Variants in LGR5 observed in about 807,000 individuals in gnomAD.
LGR5 encodes leucine rich repeat containing G protein-coupled receptor 5, also known as leucine-rich repeat-containing G protein-coupled receptor 5.
In LGR5, 54 loss-of-function variants were observed where a neutral mutation model predicts 76.7. That is an observed-to-expected ratio of 0.70 (90% confidence interval 0.57 to 0.88). The LOEUF is 0.88. LGR5 is among the 40% of genes least tolerant of loss of function. The pLI is 0.00. For missense variants in LGR5, 1,078 were observed against 1,073.3 expected (o/e 1.00, Z -0.06); for synonymous variants, 406 against 421.9 (o/e 0.96, Z 0.46).
intron 1 of LGR5, among the ~76,000 whole-genome samples, chr12:71,454,075 T>G (rs915894903): frequency 1.3e-5 from 2 of 152,114 alleles, no homozygotes; most frequent in African/African-American, 4.8e-5. Flanking sequence ...AGGTGAGCAG[T>G]TCTTGGAGCA....
intron 2 of LGR5, among the ~76,000 whole-genome samples, chr12:71,506,295 C>T (rs1338126645): frequency 1.3e-5 from 2 of 151,980 alleles, no homozygotes; most frequent in Non-Finnish European, 1.5e-5. Flanking sequence ...TGGCAAAATG[C>T]TTCCCTTCTC....
intron 4 of LGR5, among the ~76,000 whole-genome samples, chr12:71,539,580 C>T (rs991284328): frequency 1.1e-4 from 17 of 152,124 alleles, no homozygotes; most frequent in Non-Finnish European, 1.8e-4. Context: ...CAGGTTCAAG[C>T]GATTTTTCTG....
chr12:71,470,358 A>T (rs1233542642), intron 1 of LGR5, among the ~76,000 whole-genome samples: 2 of 152,174 alleles, frequency 1.3e-5, no homozygotes, highest in Admixed American at 1.3e-4. Context: ...ACTAGAATTT[A>T]TTAACATTGT....
intron 2 of LGR5, among the ~76,000 whole-genome samples, chr12:71,516,464 A>G (rs1472033079): frequency 1.3e-5 from 2 of 152,122 alleles, no homozygotes; most frequent in African/African-American, 4.8e-5. Flanking sequence ...CCTGCACAAT[A>G]ATTTCCCAAG....
chr12:71,509,834 G>T (rs1341054483), intron 2 of LGR5, among the ~76,000 whole-genome samples: 1 of 152,028 alleles, frequency 6.6e-6, no homozygotes, highest in East Asian at 1.9e-4. Flanking sequence ...GCTCTAGGGG[G>T]GTCTGTTTTT....
chr12:71,514,816 C>T (rs564897412), intron 2 of LGR5, among the ~76,000 whole-genome samples: 11 of 152,222 alleles, frequency 7.2e-5, no homozygotes, highest in Admixed American at 1.3e-4. Context: ...ATATGCTTAA[C>T]ACAATGACGG....
chr12:71,480,753 GA>G (rs1873561463), intron 1 of LGR5, among the ~76,000 whole-genome samples: 1 of 152,174 alleles, frequency 6.6e-6, no homozygotes, highest in Non-Finnish European at 1.5e-5. Context: ...AACAGCTGAT[GA>G]GATCCTTTCA....
At chr12:71,581,254 C>T (rs2137478749) in intron 16 of LGR5, among the ~76,000 whole-genome samples, 1 of 152,346 alleles carries the variant, frequency 6.6e-6, no homozygotes, top group South Asian at 2.1e-4. Flanking sequence ...ACCTACCCCA[C>T]CCCGGGGTAT....
Position 71,528,378 on chromosome 12 carries a change from C to G in LGR5, c.356+3901C>G, listed in dbSNP as rs141706144. 4.7e-3 allele frequency among the ~76,000 whole-genome samples: 710 copies of G among 152,188 alleles called. 10 individuals are homozygous for G. The highest frequency in any genetic ancestry group is 0.016 in the African/African-American group (664 of 41,542). On this transcript the variant is annotated intron_variant, in intron 3 of 17. Coordinates refer to ENST00000266674, the MANE Select transcript of LGR5 (RefSeq NM_003667.4). ...GAGGCTGAGGTGGGAGGGAGGATTT[C>G]ATGAGCCTAGGAGGTTGGGGCTACA...
chr12:71,573,126 T>G (rs1164192404), intron 13 of LGR5: 1 of 433,012 alleles, frequency 2.3e-6, no homozygotes, highest in Admixed American at 4.2e-5. Flanking sequence ...TCTCTACCAG[T>G]CAGCAGGCAG....
intron 13 of LGR5, among the ~76,000 whole-genome samples, chr12:71,574,082 T>A (rs977927684): frequency 6.6e-6 from 1 of 151,528 alleles, no homozygotes; most frequent in Non-Finnish European, 1.5e-5. Flanking sequence ...GGCAGGCGGA[T>A]CACGAGGTCA....
intron 2 of LGR5, 79 bp from the exon 3 acceptor site, chr12:71,524,327 A>G (rs995223095): frequency 2.0e-5 from 21 of 1,025,128 alleles, no homozygotes; most frequent in African/African-American, 8.2e-5. Flanking sequence ...ACATAGTTGT[A>G]TTGCATTTTT....
chr12:71,521,707 A>G (rs1875735964), intron 2 of LGR5, among the ~76,000 whole-genome samples: 1 of 152,204 alleles, frequency 6.6e-6, no homozygotes, highest in South Asian at 2.1e-4. Flanking sequence ...GAGAATGGAT[A>G]CTGGGGGACA....
At chr12:71,458,903 C>A (rs1872588556) in intron 1 of LGR5, among the ~76,000 whole-genome samples, 1 of 151,540 alleles carries the variant, frequency 6.6e-6, no homozygotes, top group Non-Finnish European at 1.5e-5. Context: ...TAAAAGAGAA[C>A]CTGCCTGGTC....
chr12:71,496,966 T>A (rs892204036), intron 1 of LGR5, among the ~76,000 whole-genome samples: 2 of 152,084 alleles, frequency 1.3e-5, no homozygotes, highest in Non-Finnish European at 2.9e-5. Flanking sequence ...TCTGAGGTGA[T>A]GTCAATATTC....
chr12:71,584,887 T>A lies in LGR5; in HGVS notation c.*153T>A, dbSNP rs1347662822. On this transcript the variant is annotated 3_prime_UTR_variant, in exon 18 of 18. Transcript: ENST00000266674. Reference sequence around the variant, plus strand: ...AGTTAGTAAGAAAAGGCTGAAAACCTCTTGATACTTGAGAGTGAATATAAG... The same window carrying A: ...AGTTAGTAAGAAAAGGCTGAAAACCACTTGATACTTGAGAGTGAATATAAG... 3 of 704,122 alleles carry A rather than the reference T, an allele frequency of 4.3e-6. No homozygotes were observed. In the African/African-American group the frequency reaches 5.4e-5, roughly 13 times the overall value. 43.6% of individuals were successfully genotyped at this position (704,122 alleles called of 1,614,324 possible). A position where few individuals can be genotyped will look rare whatever the true frequency, so the allele number is the denominator to read the frequency against.
intron 3 of LGR5, among the ~76,000 whole-genome samples, chr12:71,526,020 G>T (rs931709343): frequency 6.6e-6 from 1 of 152,050 alleles, no homozygotes; most frequent in Non-Finnish European, 1.5e-5. Flanking sequence ...TATGAAATTA[G>T]AGATGTCATC....
At chr12:71,560,287 T>C (rs1276823777) in intron 7 of LGR5, among the ~76,000 whole-genome samples, 1 of 152,178 alleles carries the variant, frequency 6.6e-6, no homozygotes, top group East Asian at 1.9e-4. Flanking sequence ...ACTATATTCT[T>C]ATAATAAAGT....
intron 1 of LGR5, among the ~76,000 whole-genome samples, chr12:71,482,859 A>T (rs571632671): frequency 2.0e-4 from 30 of 152,350 alleles, no homozygotes; most frequent in Non-Finnish European, 3.2e-4. Context: ...GTGAATACTC[A>T]TATCATGAAT....
Sources: gnomAD v4.1 joint callset for allele counts (sites outside exome capture counted in the v4.1 genomes callset) on GRCh38, gnomAD v4.1.1 for gene constraint, MANE v1.5 for transcripts, NCBI Gene and HGNC (gene_info 2026-07-23, HGNC 2026-07-21) for gene names.